RIMBP2: variants seen among roughly 807,000 people sequenced by gnomAD.
RIMBP2 encodes RIMS-binding protein 2.
Under a neutral mutation model 118.6 loss-of-function variants are expected in RIMBP2, and 48 were observed. The observed-to-expected ratio is 0.40, with a 90% CI of 0.32 to 0.51. RIMBP2 has a LOEUF of 0.51. Among genes scored for constraint, RIMBP2 ranks in the 20% least tolerant of loss-of-function variants. The pLI is 0.41. For missense variants in RIMBP2, 1,551 were observed against 1,768.3 expected, an observed-to-expected ratio of 0.88 and a Z score of 2.20; for synonymous variants, 762 against 742.9, an observed-to-expected ratio of 1.03 and a Z score of -0.42.
intron 1 of RIMBP2, among the ~76,000 whole-genome samples, chr12:130,645,680 T>A (rs1157922720): frequency 6.6e-6 from 1 of 152,202 alleles, no homozygotes; most frequent in Non-Finnish European, 1.5e-5. Context: ...GAGAGAAGGA[T>A]GAGAAGAAAC....
At chr12:130,531,172 AT>A (rs1405439801) in intron 2 of RIMBP2, among the ~76,000 whole-genome samples, 1 of 152,212 alleles carries the variant, frequency 6.6e-6, no homozygotes, top group Non-Finnish European at 1.5e-5. Context: ...TTTTTCAGAT[AT>A]TTTTGTTAAC....
chr12:130,671,169 A>G (rs2064178944), intron 1 of RIMBP2, among the ~76,000 whole-genome samples: 1 of 151,966 alleles, frequency 6.6e-6, no homozygotes, highest in Admixed American at 6.5e-5. Context: ...TACAGCAACC[A>G]TTTTGTGACC....
chr12:130,514,962 T>C (rs11613764), intron 3 of RIMBP2, among the ~76,000 whole-genome samples: 25,177 of 151,946 alleles, frequency 0.17, 2,383 homozygotes, highest in Middle Eastern at 0.26. Context: ...CTGCAAGCTC[T>C]GCCTCCCGGG....
chr12:130,655,233 CACCCTGCCAGCCAG>C (rs1044368027), intron 1 of RIMBP2, among the ~76,000 whole-genome samples: 16 of 152,214 alleles, frequency 1.1e-4, no homozygotes, highest in Non-Finnish European at 1.8e-4. Flanking sequence ...AACATCGCCC[CACCCTGCCAGCCAG>C]CATTACTTCC....
At chr12:130,510,556 C>T (rs2050809270) in intron 3 of RIMBP2, among the ~76,000 whole-genome samples, 1 of 152,106 alleles carries the variant, frequency 6.6e-6, no homozygotes, top group Non-Finnish European at 1.5e-5. Flanking sequence ...GCAACCTCCA[C>T]CTCCTGAGTT....
chr12:130,583,146 C>T (rs1239615274), intron 2 of RIMBP2, among the ~76,000 whole-genome samples: 1 of 152,144 alleles, frequency 6.6e-6, no homozygotes, highest in East Asian at 1.9e-4. Flanking sequence ...GCACCGACTC[C>T]ATCCCCAGGC....
intron 1 of RIMBP2, among the ~76,000 whole-genome samples, chr12:130,645,691 A>G (rs559298567): frequency 6.6e-6 from 1 of 152,328 alleles, no homozygotes; most frequent in African/African-American, 2.4e-5. Context: ...GAGAAGAAAC[A>G]AAGTCCTCGC....
chr12:130,569,507 G>T (rs189903257), intron 2 of RIMBP2, among the ~76,000 whole-genome samples: 241 of 152,298 alleles, frequency 1.6e-3, no homozygotes, highest in African/African-American at 5.6e-3. Flanking sequence ...ACTGACATGC[G>T]CTATGGTTTG....
chr12:130,511,777 C>T lies in RIMBP2; in HGVS notation c.-126-5007G>A, dbSNP rs918714886. Among the ~76,000 whole-genome samples, 1 of 152,128 alleles carries T rather than the reference C, an allele frequency of 6.6e-6. No homozygotes were observed. Among genetic ancestry groups the T allele is most frequent in the Non-Finnish European group, 1.5e-5 (1 of 68,038 alleles). Reference sequence around the variant, plus strand: ...AAAGCTTCAGCCCCTCTTCCTCCCACCACAGTGGGGATGCGACCCTTCGAG... The same window carrying T: ...AAAGCTTCAGCCCCTCTTCCTCCCATCACAGTGGGGATGCGACCCTTCGAG... On this transcript the variant is annotated intron_variant, in intron 3 of 22. Coordinates refer to ENST00000690449, the MANE Select transcript of RIMBP2 (RefSeq NM_001393629.1). This position sits in a 1 kb window ranked among gnomAD's most constrained non-coding sequence, Gnocchi z 4.3.
At chr12:130,402,872 G>A (rs2074773105) in intron 21 of RIMBP2, among the ~76,000 whole-genome samples, 3 of 152,340 alleles carry the variant, frequency 2.0e-5, no homozygotes, top group Admixed American at 2.0e-4. Flanking sequence ...TAAGGTTTCA[G>A]ATACCGAGAT....
chr12:130,650,376 C>T (rs1291440273), intron 1 of RIMBP2, among the ~76,000 whole-genome samples: 2 of 152,246 alleles, frequency 1.3e-5, no homozygotes, highest in African/African-American at 2.4e-5. Context: ...GCTCTTAACA[C>T]CGCATGTGTG....
chr12:130,474,413 G>T (rs113792981), intron 5 of RIMBP2, among the ~76,000 whole-genome samples: 1 of 152,316 alleles, frequency 6.6e-6, no homozygotes, highest in African/African-American at 2.4e-5. Flanking sequence ...GAGCACCTCC[G>T]CCCATCCAGG....
intron 2 of RIMBP2, among the ~76,000 whole-genome samples, chr12:130,608,921 C>A (rs966313100): frequency 6.6e-6 from 1 of 152,082 alleles, no homozygotes; most frequent in African/African-American, 2.4e-5. Flanking sequence ...CTTTAACCAG[C>A]ATCTCCCCAT....
chr12:130,413,281 C>T (rs765098675), intron 18 of RIMBP2, among the ~76,000 whole-genome samples: 2 of 152,076 alleles, frequency 1.3e-5, no homozygotes, highest in East Asian at 1.9e-4. Flanking sequence ...CTTTCTTTCC[C>T]CTCTCCTACT....
At chr12:130,676,195 C>A (rs1352217533) in intron 1 of RIMBP2, among the ~76,000 whole-genome samples, 1 of 152,046 alleles carries the variant, frequency 6.6e-6, no homozygotes, top group Non-Finnish European at 1.5e-5. Flanking sequence ...GCCACAGCAG[C>A]CTTGATGAAC....
At chr12:130,640,055 G>A (rs2062546484) in intron 1 of RIMBP2, among the ~76,000 whole-genome samples, 1 of 152,140 alleles carries the variant, frequency 6.6e-6, no homozygotes, top group African/African-American at 2.4e-5. Flanking sequence ...AATTATTGCA[G>A]GCTGCACAGG....
At chr12:130,547,607 A>C (rs1257893668) in intron 2 of RIMBP2, among the ~76,000 whole-genome samples, 6 of 152,228 alleles carry the variant, frequency 3.9e-5, no homozygotes, top group African/African-American at 1.4e-4. Context: ...CAGAGATTAC[A>C]TCGATCCCTG....
chr12:130,706,728 C>A (rs1038391067), intron 1 of RIMBP2, among the ~76,000 whole-genome samples: 14 of 152,092 alleles, frequency 9.2e-5, no homozygotes, highest in African/African-American at 3.4e-4. Context: ...GGGAAGAGTG[C>A]AGAACAGGCC....
At chr12:130,409,500 G>A (rs929312095) in intron 19 of RIMBP2, among the ~76,000 whole-genome samples, 2 of 151,804 alleles carry the variant, frequency 1.3e-5, no homozygotes, top group South Asian at 2.1e-4. Context: ...CCGCCACCAC[G>A]CCCGGCTAAT....
Sources: allele counts gnomAD v4.1 joint callset (sites outside exome capture counted in the v4.1 genomes callset), GRCh38; gene constraint gnomAD v4.1.1; non-coding constraint Gnocchi (gnomAD v3.1); transcripts MANE v1.5; gene names NCBI Gene and HGNC (gene_info 2026-07-23, HGNC 2026-07-21).